CUL5: variants seen among roughly 807,000 people sequenced by gnomAD.
CUL5 encodes the protein cullin-5.
Under a neutral mutation model 108.8 loss-of-function variants are expected in CUL5, and 26 were observed. The observed-to-expected ratio is 0.24, with a 90% CI of 0.18 to 0.33. CUL5 has a LOEUF of 0.33. Among genes scored for constraint, CUL5 ranks in the 10% least tolerant of loss-of-function variants. The pLI, the probability that CUL5 is intolerant of heterozygous loss-of-function variation, is 1.00. For synonymous variants in CUL5, 334 were observed against 298.0 expected (o/e 1.12, Z -1.25); for missense variants, 524 against 909.2 (o/e 0.58, Z 5.45).
intron 7 of CUL5, among the ~76,000 whole-genome samples, chr11:108,069,423 G>A (rs1451815965): frequency 1.3e-5 from 2 of 151,918 alleles, no homozygotes; most frequent in Admixed American, 1.3e-4. Context: ...TAAGCTTCCT[G>A]GTATTCCTAG....
At chr11:108,047,196 G>A (rs1345196016) in intron 3 of CUL5, among the ~76,000 whole-genome samples, 8 of 151,942 alleles carry the variant, frequency 5.3e-5, no homozygotes, top group Admixed American at 2.0e-4. Context: ...GCACACCTGT[G>A]GTTGCAGCCA....
At chr11:108,071,785 C>T (rs951496594) in intron 8 of CUL5, among the ~76,000 whole-genome samples, 2 of 152,092 alleles carry the variant, frequency 1.3e-5, no homozygotes, top group African/African-American at 4.8e-5. Context: ...AACTCCTGGG[C>T]TCAAATGATC....
At chr11:108,025,843 T>C (rs1408297880) in intron 1 of CUL5, among the ~76,000 whole-genome samples, 1 of 152,188 alleles carries the variant, frequency 6.6e-6, no homozygotes. Context: ...TTAAATGTAG[T>C]GAAACCCCTA....
intron 7 of CUL5, among the ~76,000 whole-genome samples, chr11:108,059,745 G>A (rs766041408): frequency 1.7e-4 from 26 of 152,060 alleles, no homozygotes; most frequent in Middle Eastern, 3.4e-3. Context: ...TTAGTTGGGC[G>A]TGGTGGCACG....
chr11:108,076,601 C>T (rs745740751), intron 10 of CUL5, among the ~76,000 whole-genome samples: 6 of 151,934 alleles, frequency 3.9e-5, no homozygotes, highest in Non-Finnish European at 5.9e-5. Context: ...ATATATGTAC[C>T]AGTTTCTTTA....
In CUL5 at chr11:108,009,332, A is replaced by T. The variant is rs1344945641; in HGVS notation, c.-17A>T. The stretch of plus-strand genomic sequence containing the variant: ...ACGAATTCTCGCGTCGTCTCGCGAG[A>T]GTCCAAGTTAAAGAACATGGCGACG... On this transcript the variant is annotated 5_prime_UTR_variant, in exon 1 of 19. Transcript: ENST00000393094. 1 of 1,613,468 alleles carries T rather than the reference A, an allele frequency of 6.2e-7. No individual in the cohort carries two copies. Among genetic ancestry groups the T allele is most frequent in the African/African-American group, 1.3e-5 (1 of 74,882 alleles).
At chr11:108,086,040 G>C (rs779867718) in intron 11 of CUL5, among the ~76,000 whole-genome samples, 1 of 152,166 alleles carries the variant, frequency 6.6e-6, no homozygotes, top group Non-Finnish European at 1.5e-5. Context: ...GATGGAAATT[G>C]TTATCTGAGG....
chr11:108,044,631 C>T (rs1337613917), intron 2 of CUL5, among the ~76,000 whole-genome samples: 1 of 151,902 alleles, frequency 6.6e-6, no homozygotes, highest in Non-Finnish European at 1.5e-5. Context: ...TTGAATGAAT[C>T]ACTGGGGAAC....
At chr11:108,046,605 G>A (rs969808879) in intron 3 of CUL5, 27 of 339,104 alleles carry the variant, frequency 8.0e-5, no homozygotes, top group South Asian at 1.6e-4. Context: ...ATGCTATAGC[G>A]AATTCAGTTT....
chr11:108,045,545 A>C (rs1863044556), intron 2 of CUL5, among the ~76,000 whole-genome samples: 1 of 152,178 alleles, frequency 6.6e-6, no homozygotes, highest in Non-Finnish European at 1.5e-5. Flanking sequence ...TGGTTGTGGC[A>C]CTGCACTCCA....
chr11:108,089,777 T>C (rs1252421227), intron 13 of CUL5, among the ~76,000 whole-genome samples, 154 bp downstream of exon 13: 4 of 152,142 alleles, frequency 2.6e-5, no homozygotes, highest in African/African-American at 9.6e-5. Flanking sequence ...CACTGGCTCA[T>C]ACCTGTAATC....
chr11:108,102,327 C>T (rs1172666793), intron 18 of CUL5, among the ~76,000 whole-genome samples: 1 of 149,766 alleles, frequency 6.7e-6, no homozygotes, highest in Non-Finnish European at 1.5e-5. Context: ...CATGCCCGGC[C>T]TATTTTTCTA....
At chr11:108,075,658 C>T (rs1246844158) in intron 10 of CUL5, among the ~76,000 whole-genome samples, 1 of 152,154 alleles carries the variant, frequency 6.6e-6, no homozygotes, top group African/African-American at 2.4e-5. Flanking sequence ...GCCTCAGCCA[C>T]CTGAGTTTCT....
intron 4 of CUL5, among the ~76,000 whole-genome samples, chr11:108,050,366 G>A (rs1425476377): frequency 6.8e-6 from 1 of 147,472 alleles, no homozygotes; most frequent in Non-Finnish European, 1.5e-5. Context: ...TTCTTTCTTT[G>A]TACTCTTTTT....
Position 108,105,344 on chromosome 11 carries a change from C to T in CUL5, c.*960C>T, listed in dbSNP as rs1312922715. 1.3e-5 allele frequency: 2 copies of T among 152,324 alleles called. No individual in the cohort carries two copies. Among genetic ancestry groups the T allele is most frequent in the Non-Finnish European group, 2.9e-5 (2 of 68,000 alleles). 9.4% of individuals were successfully genotyped at this position (152,324 alleles called of 1,614,324 possible). On this transcript the variant is annotated 3_prime_UTR_variant, in exon 19 of 19. Coordinates refer to ENST00000393094, the MANE Select transcript of CUL5 (RefSeq NM_003478.6). ...GCTCTGATATAGTTATGTAACTGAT[C>T]TCTTAATCTGTAGCATAGAAGTATT...
At chr11:108,019,101 T>G (rs922776095) in intron 1 of CUL5, among the ~76,000 whole-genome samples, 1 of 150,654 alleles carries the variant, frequency 6.6e-6, no homozygotes, top group Admixed American at 6.8e-5. Flanking sequence ...AGAGATGGTT[T>G]AAAGTGTATG....
chr11:108,104,147 A>G, intron 18 of CUL5, 43 bp from the exon 19 acceptor site: 16 of 1,253,948 alleles, frequency 1.3e-5, no homozygotes, highest in Non-Finnish European at 1.6e-5. Context: ...ACTTAAAATA[A>G]TTTCGTATAT....
At chr11:108,070,247 A>G (rs540746943) in intron 8 of CUL5, 58 bp downstream of exon 8, 27 of 1,256,416 alleles carry the variant, frequency 2.1e-5, no homozygotes, top group African/African-American at 2.1e-4. Context: ...CTTTGAAACA[A>G]ATCACTTACT....
chr11:108,086,768 TCTCTTGATTCTTACTG>T (rs1376303894), intron 11 of CUL5, among the ~76,000 whole-genome samples: 7 of 152,170 alleles, frequency 4.6e-5, no homozygotes, highest in Non-Finnish European at 8.8e-5. Context: ...AAGGCATACC[TCTCTTGATTCTTACTG>T]TGGTGCTTTG....
Sources: allele counts gnomAD v4.1 joint callset (sites outside exome capture counted in the v4.1 genomes callset), GRCh38; gene constraint gnomAD v4.1.1; transcripts MANE v1.5; gene names NCBI Gene and HGNC (gene_info 2026-07-23, HGNC 2026-07-21).